CENPP: variants seen among roughly 807,000 people sequenced by gnomAD.
CENPP encodes the protein centromere protein P.
Under a neutral mutation model 35.6 loss-of-function variants are expected in CENPP, and 24 were observed. The observed-to-expected ratio is 0.67, with a 90% CI of 0.49 to 0.95. The LOEUF is 0.95. CENPP is among the 40% of genes least tolerant of loss of function. CENPP has a pLI of 0.00. For missense variants in CENPP, 332 were observed against 345.3 expected, an observed-to-expected ratio of 0.96 and a Z score of 0.31; for synonymous variants, 120 against 125.5, an observed-to-expected ratio of 0.96 and a Z score of 0.29.
chr9:92,594,311 T>C (rs1361065531), intron 5 of CENPP, among the ~76,000 whole-genome samples: 1 of 152,148 alleles, frequency 6.6e-6, no homozygotes, highest in African/African-American at 2.4e-5. Context: ...ACCTAAAATT[T>C]TCTTGAGAAA....
chr9:92,457,021 A>T, intron 5 of CENPP: 1 of 1,178,074 alleles, frequency 8.5e-7, no homozygotes, highest in Non-Finnish European at 1.1e-6. Context: ...TTATGAAGAA[A>T]GGAATGGTCA....
chr9:92,547,599 T>C (rs1198880208), intron 5 of CENPP, among the ~76,000 whole-genome samples: 4 of 152,240 alleles, frequency 2.6e-5, no homozygotes, highest in African/African-American at 9.6e-5. Context: ...TCGTATGAAA[T>C]GTCCAAAATA....
At chr9:92,510,033 A>G in intron 5 of CENPP, 1 of 1,587,876 alleles carries the variant, frequency 6.3e-7, no homozygotes, top group Non-Finnish European at 8.5e-7. Flanking sequence ...CTTCTTCAGA[A>G]GCTTAAAAAG....
Position 92,379,821 on chromosome 9 carries a change from T to C in CENPP, c.526T>C (p.Trp176Arg), listed in dbSNP as rs1424163176. 4.3e-6 allele frequency: 7 copies of C among 1,613,232 alleles called. No homozygotes were observed. The African/African-American group carries it at 8.0e-5, about 18-fold the overall frequency. ...FFRSLHFFVEWFEYRKRTFKH... is the reference protein window; with the variant it reads ...FFRSLHFFVERFEYRKRTFKH... Reference sequence around the variant, plus strand: ...CCGAAGCCTGCATTTTTTTGTGGAGTGGTTTGAATATCGTAAGCGCACGTT... The same window carrying C: ...CCGAAGCCTGCATTTTTTTGTGGAGCGGTTTGAATATCGTAAGCGCACGTT... Residue 176 changes from tryptophan (W) to arginine (R), a missense_variant, in exon 5 of 8, where the codon TGG becomes CGG. Physicochemically the swap from Trp to Arg is moderately radical, Grantham distance 101 (BLOSUM62 -3). Transcript: ENST00000375587.
intron 5 of CENPP, among the ~76,000 whole-genome samples, chr9:92,423,543 A>C (rs1588120735): frequency 6.6e-6 from 1 of 152,184 alleles, no homozygotes; most frequent in East Asian, 1.9e-4. Flanking sequence ...TTTCCAAAAA[A>C]GTTCTAAATT....
rs571574429 is a variant in CENPP, at chr9:92,612,932, T to A, written c.737-87T>A. 8.6e-4 allele frequency: 1,296 copies of A among 1,512,126 alleles called. 21 individuals are homozygous for A. The South Asian group carries it at 0.014, about 17-fold the overall frequency. The allele number at this position is 1,512,126 out of a possible 1,614,324, so 93.7% of individuals were successfully genotyped here. On this transcript the variant is annotated intron_variant, in intron 7 of 7. Coordinates refer to ENST00000375587, the MANE Select transcript of CENPP (RefSeq NM_001012267.3). ...GCAGCTAGTCGGGAGGAGTGCGGGGTCTTGGTGAGGTCCATGCCAGCAGAA... is the reference window on the plus strand; with the variant it reads ...GCAGCTAGTCGGGAGGAGTGCGGGGACTTGGTGAGGTCCATGCCAGCAGAA...
In CENPP at chr9:92,484,477, T is replaced by C. The variant is rs898235999; in HGVS notation, c.564+104618T>C. ...TGTCACTGTATAGTATTCTCATACA[T>C]GAATAAGCCACAAATTGTTTATATA... On this transcript the variant is annotated intron_variant, in intron 5 of 7. Coordinates refer to ENST00000375587, the MANE Select transcript of CENPP (RefSeq NM_001012267.3). 7.2e-5 allele frequency among the ~76,000 whole-genome samples: 11 copies of C among 152,372 alleles called. 1 individual carries two copies. Among genetic ancestry groups the C allele is most frequent in the Middle Eastern group, 6.8e-3 (2 of 294 alleles).
chr9:92,416,833 A>G, intron 5 of CENPP: 1 of 1,613,860 alleles, frequency 6.2e-7, no homozygotes, highest in Non-Finnish European at 8.5e-7. Flanking sequence ...AAATTGAATT[A>G]TTTTCTAAAG....
At chr9:92,341,200 C>G (rs1039199165) in intron 3 of CENPP, among the ~76,000 whole-genome samples, 2 of 152,116 alleles carry the variant, frequency 1.3e-5, no homozygotes, top group Admixed American at 6.5e-5. Context: ...ATCTCAAAAC[C>G]CTGTCTCCTG....
intron 5 of CENPP, among the ~76,000 whole-genome samples, chr9:92,572,025 G>T (rs1454428690): frequency 6.6e-6 from 1 of 151,204 alleles, no homozygotes; most frequent in Non-Finnish European, 1.5e-5. Context: ...ACACAGATGG[G>T]TCTTGACTCT....
Position 92,601,062 on chromosome 9 carries a change from T to C in CENPP, c.565-10252T>C, listed in dbSNP as rs74612411. ...GCAGACGTGTGTGTCGCTAGGTCTG[T>C]GTTTGCGTGTCCGAGCCTCAGGACC... On this transcript the variant is annotated intron_variant, in intron 5 of 7. Coordinates refer to ENST00000375587, the MANE Select transcript of CENPP (RefSeq NM_001012267.3). Among the ~76,000 whole-genome samples, 485 of 152,282 alleles carry C rather than the reference T, an allele frequency of 3.2e-3. 3 individuals are homozygous for C. Among genetic ancestry groups the C allele is most frequent in the Non-Finnish European group, 5.8e-3 (392 of 68,022 alleles).
intron 5 of CENPP, among the ~76,000 whole-genome samples, chr9:92,485,550 C>T (rs1846034889): frequency 6.6e-6 from 1 of 152,160 alleles, no homozygotes. Flanking sequence ...AATAAATTGC[C>T]TAATCTAAGC....
At chr9:92,547,070 ATATAT>A (rs1338954771) in intron 5 of CENPP, among the ~76,000 whole-genome samples, 1 of 152,160 alleles carries the variant, frequency 6.6e-6, no homozygotes, top group Non-Finnish European at 1.5e-5. Context: ...TATATAAATA[ATATAT>A]TATGATTATA....
intron 4 of CENPP, among the ~76,000 whole-genome samples, chr9:92,355,147 A>G (rs559888846): frequency 1.1e-3 from 161 of 152,302 alleles, no homozygotes; most frequent in African/African-American, 3.6e-3. Context: ...CGGTCTGGCC[A>G]CAAATTTACC....
chr9:92,422,218 A>AT (rs1843826901), intron 5 of CENPP, among the ~76,000 whole-genome samples: 1 of 151,876 alleles, frequency 6.6e-6, no homozygotes, highest in Non-Finnish European at 1.5e-5. Flanking sequence ...GACTGGCTAC[A>AT]TTTTTTTGTA....
intron 4 of CENPP, among the ~76,000 whole-genome samples, chr9:92,367,866 T>G (rs1286220952): frequency 6.6e-6 from 1 of 152,218 alleles, no homozygotes; most frequent in Admixed American, 6.5e-5. Flanking sequence ...TTCACCCGCC[T>G]TAGCCGCCCA....
At chr9:92,332,424 ATATTGAAT>A (rs1456588966) in intron 2 of CENPP, 73 bp downstream of exon 2, 16 of 994,072 alleles carry the variant, frequency 1.6e-5, no homozygotes, top group Admixed American at 6.8e-5. Flanking sequence ...GGTTGTCATA[ATATTGAAT>A]TAAAATTCTA....
intron 5 of CENPP, chr9:92,474,962 A>G (rs1588162043): frequency 6.0e-6 from 9 of 1,496,016 alleles, no homozygotes; most frequent in South Asian, 1.4e-5. Context: ...TTAAATGGAT[A>G]TAATTCCTGC....
At chr9:92,433,703 A>C (rs538187302) in intron 5 of CENPP, among the ~76,000 whole-genome samples, 12 of 151,966 alleles carry the variant, frequency 7.9e-5, no homozygotes, top group Non-Finnish European at 1.6e-4. Context: ...AGGCCGAAGC[A>C]GGCAGATCAC....
Sources: gnomAD v4.1 joint callset for allele counts (sites outside exome capture counted in the v4.1 genomes callset) on GRCh38, gnomAD v4.1.1 for gene constraint, MANE v1.5 for transcripts, NCBI Gene and HGNC (gene_info 2026-07-23, HGNC 2026-07-21) for gene names.